EPN1: variants seen among roughly 807,000 people sequenced by gnomAD.
EPN1 encodes the protein epsin-1.
In EPN1, 25 loss-of-function variants were observed where a neutral mutation model predicts 56.9. The ratio of observed to expected loss-of-function variants is 0.44; its 90% CI spans 0.32 to 0.61. EPN1 has a LOEUF of 0.61. Among genes scored for constraint, EPN1 ranks in the 20% least tolerant of loss-of-function variants. The probability of loss-of-function intolerance (pLI) is 0.05; values close to 1 mark genes in which losing one functional copy is unlikely to be tolerated. For synonymous variants in EPN1, 411 were observed against 361.8 expected (o/e 1.14, Z -1.54); for missense variants, 785 against 823.7 (o/e 0.95, Z 0.58).
intron 2 of EPN1, among the ~76,000 whole-genome samples, chr19:55,682,431 C>A (rs1045337023): frequency 1.4e-5 from 2 of 145,672 alleles, no homozygotes; most frequent in African/African-American, 5.5e-5. Context: ...AGCAGTTGTT[C>A]ATTTATTTTG....
Position 55,691,728 on chromosome 19 carries a change from C to G in EPN1, c.763-26C>G, listed in dbSNP as rs1986560323. 1 of 1,600,726 alleles carries G rather than the reference C, an allele frequency of 6.2e-7. No individual in the cohort carries two copies. The highest frequency in any genetic ancestry group is 8.5e-7 in the Non-Finnish European group (1 of 1,172,628). ...CCAGGCTTCCCACCACTTCTTCATGCTCCTTCTCTTCTCTCTCCCCCACAG... is the reference window on the plus strand; with the variant it reads ...CCAGGCTTCCCACCACTTCTTCATGGTCCTTCTCTTCTCTCTCCCCCACAG... On this transcript the variant is annotated intron_variant, in intron 6 of 10. Transcript: ENST00000270460. The surrounding 1 kb of genome is among the most constrained non-coding windows in gnomAD (Gnocchi z 5.6).
At position 55,696,322 on chromosome 19, in the gene EPN1, C is replaced by T. The variant is rs11669096; in HGVS notation, c.*966C>T. The T allele has an allele frequency of 0.013, 2,003 of 152,408 alleles. 18 individuals are homozygous for T. Among genetic ancestry groups the T allele is most frequent in the Middle Eastern group, 0.027 (8 of 296 alleles). The allele number at this position is 152,408 out of a possible 1,614,324, so 9.4% of individuals were successfully genotyped here. On this transcript the variant is annotated 3_prime_UTR_variant, in exon 11 of 11. Coordinates refer to ENST00000270460, the MANE Select transcript of EPN1 (RefSeq NM_001130072.2). ...TGGTGAGACTATCCGGGAGAATCCTCGGGCCGCCTTGTGAGGGGGGTGTTG... is the reference window on the plus strand; with the variant it reads ...TGGTGAGACTATCCGGGAGAATCCTTGGGCCGCCTTGTGAGGGGGGTGTTG...
intron 6 of EPN1, among the ~76,000 whole-genome samples, chr19:55,690,379 A>G (rs1986460621): frequency 6.6e-6 from 1 of 152,214 alleles, no homozygotes; most frequent in Non-Finnish European, 1.5e-5. Flanking sequence ...GCGAGGAGGC[A>G]TGGTCCCGCC....
In EPN1 at chr19:55,706,277, C is replaced by CTTTTTTTTTTTTTTTTTT. The variant is rs1568587726; in HGVS notation, c.*10923_*10924insTTTTTTTTTTTTTTTTTT. On this transcript the variant is annotated 3_prime_UTR_variant, in exon 11 of 11. Coordinates refer to ENST00000270460, the MANE Select transcript of EPN1 (RefSeq NM_001130072.2). The stretch of plus-strand genomic sequence containing the variant: ...TCTTTTCTTCCTTTCTTCTCTTTTT[C>CTTTTTTTTTTTTTTTTTT]TTCTTCTTTTTTTTTTTTTTTTAAA... The CTTTTTTTTTTTTTTTTTT allele has an allele frequency of 3.2e-4, 32 of 98,520 alleles. 2 individuals are homozygous for CTTTTTTTTTTTTTTTTTT. The highest frequency in any genetic ancestry group is 3.9e-4 in the Non-Finnish European group (21 of 53,400). 6.1% of individuals were successfully genotyped at this position (98,520 alleles called of 1,614,324 possible).
intron 6 of EPN1, among the ~76,000 whole-genome samples, chr19:55,690,757 G>A (rs1986490128): frequency 6.6e-6 from 1 of 152,220 alleles, no homozygotes; most frequent in Non-Finnish European, 1.5e-5. Context: ...TTTGAGGGGT[G>A]GGGACAAGGC....
Position 55,679,305 on chromosome 19 carries a change from G to C in EPN1, c.228+450G>C, listed in dbSNP as rs1005370226. 2.4e-4 allele frequency among the ~76,000 whole-genome samples: 36 copies of C among 152,266 alleles called. 1 individual carries two copies. ...ACTGGGTTTTCAGTTTGCTGCTCTT[G>C]GGGTCCAGGGGCCTTGGCATCCCCA... On this transcript the variant is annotated intron_variant, in intron 2 of 10. Coordinates refer to ENST00000270460, the MANE Select transcript of EPN1 (RefSeq NM_001130072.2).
chr19:55,690,026 G>A, intron 6 of EPN1, 76 bp downstream of exon 6: 1 of 1,369,380 alleles, frequency 7.3e-7, no homozygotes, highest in South Asian at 1.4e-5. Flanking sequence ...TGCGTGGCCA[G>A]GTCCCTGGAG....
intron 2 of EPN1, among the ~76,000 whole-genome samples, chr19:55,684,629 CA>C (rs1160400087): frequency 6.6e-6 from 1 of 152,234 alleles, no homozygotes; most frequent in Non-Finnish European, 1.5e-5. Flanking sequence ...CGGGCCTACA[CA>C]GGCCCTTGCG....
rs1409669387 is a variant in EPN1 at position 55,704,938 on chromosome 19, A to T, written c.*9582A>T. 1 of 152,212 alleles carries T rather than the reference A, an allele frequency of 6.6e-6. No individual in the cohort carries two copies. The highest frequency in any genetic ancestry group is 2.4e-5 in the African/African-American group (1 of 41,442). The allele number at this position is 152,212 out of a possible 1,614,324, so 9.4% of individuals were successfully genotyped here. A position where few individuals can be genotyped will look rare whatever the true frequency, so the allele number is the denominator to read the frequency against. The stretch of plus-strand genomic sequence containing the variant: ...CCACTTCCCAAGCATCTCTGGCTGA[A>T]TGCTGTTCTCATCCACTTCCCAAGC... On this transcript the variant is annotated 3_prime_UTR_variant, in exon 11 of 11. Transcript: ENST00000270460.
At chr19:55,676,966 C>T (rs1985478713) in intron 1 of EPN1, 13 of 608,350 alleles carry the variant, frequency 2.1e-5, no homozygotes, top group South Asian at 1.8e-4. Flanking sequence ...GTTACATCAT[C>T]TCTTCATCTT....
At chr19:55,686,218 A>G (rs1217264907) in intron 3 of EPN1, among the ~76,000 whole-genome samples, 1 of 152,232 alleles carries the variant, frequency 6.6e-6, no homozygotes, top group Non-Finnish European at 1.5e-5. Context: ...TCGTCAAGCC[A>G]AGATCTGTCC....
Position 55,689,404 on chromosome 19 carries a change from AG to A in EPN1, c.678+37del. 1.3e-6 allele frequency: 2 copies of A among 1,525,342 alleles called. No individual in the cohort carries two copies. Among genetic ancestry groups the A allele is most frequent in the Non-Finnish European group, 1.8e-6 (2 of 1,123,428 alleles). 94.5% of individuals were successfully genotyped at this position (1,525,342 alleles called of 1,614,324 possible). On this transcript the variant is annotated intron_variant, in intron 5 of 10. Coordinates refer to ENST00000270460, the MANE Select transcript of EPN1 (RefSeq NM_001130072.2). This position sits in a 1 kb window ranked among gnomAD's most constrained non-coding sequence, Gnocchi z 5.7. ...CAGCCTCCCTGTCCCTGCCCCTGCC[AG>A]GGGCTCCCCTCAGACCAGCCCCGTC...
At chr19:55,688,129 G>A (rs1461212619) in intron 3 of EPN1, among the ~76,000 whole-genome samples, 7 of 152,192 alleles carry the variant, frequency 4.6e-5, no homozygotes, top group African/African-American at 1.2e-4. Flanking sequence ...CCCTGTGCTC[G>A]GCGGGCCTAG....
At position 55,694,207 on chromosome 19, in the gene EPN1, C is replaced by A. The variant is rs10408613; in HGVS notation, c.1265-519C>A. 0.15 allele frequency: 20,885 copies of A among 140,028 alleles called. 2,883 individuals carry two copies. Among genetic ancestry groups the A allele is most frequent in the African/African-American group, 0.36 (13,595 of 37,654 alleles). 8.7% of individuals were successfully genotyped at this position (140,028 alleles called of 1,614,324 possible). A position where few individuals can be genotyped will look rare whatever the true frequency, so the allele number is the denominator to read the frequency against. On this transcript the variant is annotated intron_variant, in intron 9 of 10. Coordinates refer to ENST00000270460, the MANE Select transcript of EPN1 (RefSeq NM_001130072.2). The surrounding 1 kb of genome is among the most constrained non-coding windows in gnomAD (Gnocchi z 4.2). ...GCGCTCCAACTGGGGAAACGAGCGA[C>A]ACTCCGTCTCAGAAAAAAAAAAAAA...
rs1987052004 is a variant in EPN1 at position 55,699,675 on chromosome 19, C to G, written c.*4319C>G. The G allele has an allele frequency of 6.6e-6, 1 of 152,170 alleles. No homozygotes were observed. The highest frequency in any genetic ancestry group is 2.4e-5 in the African/African-American group (1 of 41,448). 9.4% of individuals were successfully genotyped at this position (152,170 alleles called of 1,614,324 possible). Reference sequence around the variant, plus strand: ...CTAAAATATTTACTATCTGGCTCTTCAACAAAAAGTGTGCTGACCCCCGGT... The same window carrying G: ...CTAAAATATTTACTATCTGGCTCTTGAACAAAAAGTGTGCTGACCCCCGGT... On this transcript the variant is annotated 3_prime_UTR_variant, in exon 11 of 11. Coordinates refer to ENST00000270460, the MANE Select transcript of EPN1 (RefSeq NM_001130072.2).
chr19:55,706,019 AG>A lies in EPN1; in HGVS notation c.*10664del, dbSNP rs1436765377. On this transcript the variant is annotated 3_prime_UTR_variant, in exon 11 of 11. Transcript: ENST00000270460. Reference sequence around the variant, plus strand: ...CCAGAGGTCTGCATAGCAGTTACAAAGAAGGCCTTATTATCTGGAAGAAAAG... The same window carrying A: ...CCAGAGGTCTGCATAGCAGTTACAAAAAGGCCTTATTATCTGGAAGAAAAG... 1 of 177,256 alleles carries A rather than the reference AG, an allele frequency of 5.6e-6. No homozygotes were observed. The highest frequency in any genetic ancestry group is 2.4e-5 in the African/African-American group (1 of 41,586). The allele number at this position is 177,256 out of a possible 1,614,324, so 11.0% of individuals were successfully genotyped here.
chr19:55,708,797 CTG>C lies in EPN1; in HGVS notation c.*13442_*13443del, dbSNP rs957886015. Reference sequence around the variant, plus strand: ...TTGCTAGAACACTTAGGGAGTACCTCTGAAATCACAGCCCTGCTGCCATGATG... The same window carrying C: ...TTGCTAGAACACTTAGGGAGTACCTCAAATCACAGCCCTGCTGCCATGATG... On this transcript the variant is annotated 3_prime_UTR_variant, in exon 11 of 11. Coordinates refer to ENST00000270460, the MANE Select transcript of EPN1 (RefSeq NM_001130072.2). The C allele has an allele frequency of 1.5e-6, 1 of 681,854 alleles. No homozygotes were observed. Among genetic ancestry groups the C allele is most frequent in the African/African-American group, 1.9e-5 (1 of 53,314 alleles). 42.2% of individuals were successfully genotyped at this position (681,854 alleles called of 1,614,324 possible).
At chr19:55,682,963 G>A (rs1025649107) in intron 2 of EPN1, among the ~76,000 whole-genome samples, 1 of 151,982 alleles carries the variant, frequency 6.6e-6, no homozygotes, top group Non-Finnish European at 1.5e-5. Context: ...CACCATATTG[G>A]CCAGGCTGGT....
Position 55,694,605 on chromosome 19 carries a change from C to T in EPN1, c.1265-121C>T. On this transcript the variant is annotated intron_variant, in intron 9 of 10. Transcript: ENST00000270460. This position sits in a 1 kb window ranked among gnomAD's most constrained non-coding sequence, Gnocchi z 4.2. ...CTTCCGCTCTGCACCTCAGTTCCTC[C>T]TTCCCGAGGCCTCTGGGCACCGGGC... The T allele has an allele frequency of 7.9e-7, 1 of 1,258,778 alleles. No individual in the cohort carries two copies. Among genetic ancestry groups the T allele is most frequent in the Non-Finnish European group, 1.1e-6 (1 of 949,948 alleles). 78.0% of individuals were successfully genotyped at this position (1,258,778 alleles called of 1,614,324 possible).
Sources: allele counts gnomAD v4.1 joint callset (sites outside exome capture counted in the v4.1 genomes callset), GRCh38; gene constraint gnomAD v4.1.1; non-coding constraint Gnocchi (gnomAD v3.1); transcripts MANE v1.5; gene names NCBI Gene and HGNC (gene_info 2026-07-23, HGNC 2026-07-21).